MTFR1: variants seen among roughly 807,000 people sequenced by gnomAD.
MTFR1 encodes the protein mitochondrial fission regulator 1.
In MTFR1, 28 loss-of-function variants were observed where a neutral mutation model predicts 38.8. That is an observed-to-expected ratio of 0.72 (90% CI 0.53 to 0.99). MTFR1 has a LOEUF of 0.99. Among genes scored for constraint, MTFR1 ranks in the 50% least tolerant of loss-of-function variants. The probability of loss-of-function intolerance (pLI) is 0.00; values close to 1 mark genes in which losing one functional copy is unlikely to be tolerated. For synonymous variants in MTFR1, 145 were observed against 137.0 expected, an observed-to-expected ratio of 1.06 and a Z score of -0.41; for missense variants, 358 against 395.5, an observed-to-expected ratio of 0.91 and a Z score of 0.81.
downstream of MTFR1, among the ~76,000 whole-genome samples, chr8:65,712,832 A>G (rs1315473345): frequency 6.6e-6 from 1 of 152,190 alleles, no homozygotes; most frequent in Non-Finnish European, 1.5e-5. Flanking sequence ...GGGAAGCACT[A>G]TCCTTTCTAG....
upstream of MTFR1, among the ~76,000 whole-genome samples, chr8:65,644,054 G>A (rs1808884026): frequency 6.6e-6 from 1 of 152,142 alleles, no homozygotes. Flanking sequence ...CCCTACATAG[G>A]AATCTTTCAT....
chr8:65,730,108 C>T (rs1281513064), intron 3 of MTFR1, among the ~76,000 whole-genome samples: 1 of 148,542 alleles, frequency 6.7e-6, no homozygotes. Context: ...GAAGCAGTAG[C>T]TTCTCATAGG....
At chr8:65,730,174 T>C (rs112458581) in intron 3 of MTFR1, among the ~76,000 whole-genome samples, 2,058 of 19,094 alleles carry the variant, frequency 0.11, 161 homozygotes, top group Non-Finnish European at 0.18. Context: ...CGCACTTCTT[T>C]TTTTTTTTTT....
At chr8:65,660,988 G>A (rs1209194209) in intron 1 of MTFR1, among the ~76,000 whole-genome samples, 1 of 152,236 alleles carries the variant, frequency 6.6e-6, no homozygotes, top group Non-Finnish European at 1.5e-5. Context: ...TATACTGTGT[G>A]ATTCCAACTT....
At chr8:65,686,224 A>C (rs1805067183) in intron 3 of MTFR1, among the ~76,000 whole-genome samples, 1 of 152,192 alleles carries the variant, frequency 6.6e-6, no homozygotes, top group South Asian at 2.1e-4. Flanking sequence ...TTTTATAGTC[A>C]GTTGGCCCTT....
chr8:65,655,951 A>AT (rs1377063247), intron 1 of MTFR1, among the ~76,000 whole-genome samples: 1,132 of 55,058 alleles, frequency 0.021, 35 homozygotes, highest in Non-Finnish European at 0.024. Flanking sequence ...TAAAAAAAAA[A>AT]ATATATATAT....
At chr8:65,682,993 G>C in intron 3 of MTFR1, 4 of 916,976 alleles carry the variant, frequency 4.4e-6, no homozygotes, top group Non-Finnish European at 5.2e-6. Context: ...TGAATCAGGA[G>C]AACTTTTGAA....
chr8:65,675,457 G>C (rs753639448), intron 2 of MTFR1, among the ~76,000 whole-genome samples: 33 of 151,884 alleles, frequency 2.2e-4, no homozygotes, highest in Non-Finnish European at 4.1e-4. Context: ...AAATTAGCTG[G>C]GCGAGGTGGT....
chr8:65,671,818 G>A (rs192366506), intron 2 of MTFR1, among the ~76,000 whole-genome samples: 97 of 152,316 alleles, frequency 6.4e-4, no homozygotes, highest in South Asian at 1.0e-3. Context: ...CTGCAAAGTA[G>A]CTGTAAGAAT....
chr8:65,668,956 A>G (rs1804479605), intron 1 of MTFR1, among the ~76,000 whole-genome samples: 1 of 152,204 alleles, frequency 6.6e-6, no homozygotes, highest in South Asian at 2.1e-4. Flanking sequence ...GATATACAGT[A>G]GATTGATGGG....
chr8:65,719,561 A>ATACAACATTAACCTTCCTACATCCTACTC, intron 3 of MTFR1: 1 of 1,039,706 alleles, frequency 9.6e-7, no homozygotes. Flanking sequence ...AACATCATCT[A>ATACAACATTAACCTTCCTACATCCTACTC]TACAACATTA....
intron 5 of MTFR1, among the ~76,000 whole-genome samples, 193 bp downstream of exon 5, chr8:65,705,122 G>A (rs1323352961): frequency 2.6e-5 from 4 of 152,086 alleles, no homozygotes; most frequent in Admixed American, 6.6e-5. Context: ...TCAGGAGACC[G>A]AGACCATCCT....
rs1166560010 is a variant in MTFR1 at position 65,677,068 on chromosome 8, C to CTTTT, written c.67-5265_67-5262dup. On this transcript the variant is annotated intron_variant, in intron 2 of 7. Coordinates refer to ENST00000262146, the MANE Select transcript of MTFR1 (RefSeq NM_014637.4). ...GGTTTTTCTGTTTAGCTATTTCTCT[C>CTTTT]TTTTTTTTTTTTTTTTTTTTTTTGA... Among the ~76,000 whole-genome samples the CTTTT allele has an allele frequency of 4.2e-3, 418 of 100,094 alleles. 3 individuals are homozygous for CTTTT. Among genetic ancestry groups the CTTTT allele is most frequent in the Non-Finnish European group, 4.6e-3 (246 of 53,616 alleles). The allele number at this position is 100,094 out of a possible 152,430, so 65.7% of individuals were successfully genotyped here. A position where few individuals can be genotyped will look rare whatever the true frequency, so the allele number is the denominator to read the frequency against.
At chr8:65,733,148 G>GT (rs1160246888) in intron 3 of MTFR1, among the ~76,000 whole-genome samples, 1 of 152,136 alleles carries the variant, frequency 6.6e-6, no homozygotes, top group Non-Finnish European at 1.5e-5. Flanking sequence ...GATGAAAAGT[G>GT]TTTAAGTATT....
intron 3 of MTFR1, among the ~76,000 whole-genome samples, chr8:65,759,387 C>A (rs977017250): frequency 6.6e-6 from 1 of 152,208 alleles, no homozygotes; most frequent in Non-Finnish European, 1.5e-5. Flanking sequence ...AGGGATCCGC[C>A]AGAATGACGA....
intron 6 of MTFR1, 86 bp from the exon 7 acceptor site, chr8:65,707,757 C>A: frequency 6.6e-7 from 1 of 1,513,432 alleles, no homozygotes; most frequent in African/African-American, 1.4e-5. Context: ...TGGAGAGGTG[C>A]TGTCAGGCAA....
chr8:65,711,837 T>C (rs564423946), downstream of MTFR1, among the ~76,000 whole-genome samples: 1 of 152,350 alleles, frequency 6.6e-6, no homozygotes, highest in South Asian at 2.1e-4. Flanking sequence ...ACTTCTCTGA[T>C]ACATTCTCCA....
chr8:65,738,219 G>A (rs1428195297), intron 3 of MTFR1, among the ~76,000 whole-genome samples: 2 of 152,072 alleles, frequency 1.3e-5, no homozygotes, highest in Non-Finnish European at 2.9e-5. Flanking sequence ...ATCATTATGT[G>A]AACCTTCATT....
chr8:65,661,564 G>C (rs982797122), intron 1 of MTFR1, among the ~76,000 whole-genome samples: 1 of 152,096 alleles, frequency 6.6e-6, no homozygotes, highest in Admixed American at 6.6e-5. Context: ...CTGGGACGGG[G>C]GTTGCAGTGA....
Sources: allele counts gnomAD v4.1 joint callset (sites outside exome capture counted in the v4.1 genomes callset), GRCh38; gene constraint gnomAD v4.1.1; transcripts MANE v1.5; gene names NCBI Gene and HGNC (gene_info 2026-07-23, HGNC 2026-07-21).